RMND1: variants seen among roughly 807,000 people sequenced by gnomAD.
RMND1 encodes the protein required for meiotic nuclear division 1 homolog, also known as required for meiotic nuclear division protein 1 homolog.
In RMND1, 41 loss-of-function variants were observed where a neutral mutation model predicts 54.0. That is an observed-to-expected ratio of 0.76 (90% confidence interval 0.59 to 0.98). The LOEUF is 0.98. RMND1 is among the 50% of genes least tolerant of loss of function. The pLI, the probability that RMND1 is intolerant of heterozygous loss-of-function variation, is 0.00. For missense variants in RMND1, 457 were observed against 532.0 expected, an observed-to-expected ratio of 0.86 and a Z score of 1.39; for synonymous variants, 183 against 181.7, an observed-to-expected ratio of 1.01 and a Z score of -0.06.
chr6:151,444,978 TTTTTA>T lies in RMND1; in HGVS notation c.504+325_504+329del, dbSNP rs201748214. 2.0e-3 allele frequency: 410 copies of T among 204,880 alleles called. 2 individuals carry two copies. Among genetic ancestry groups the T allele is most frequent in the East Asian group, 0.018 (165 of 9,162 alleles). The allele number at this position is 204,880 out of a possible 1,614,324, so 12.7% of individuals were successfully genotyped here. Reference sequence around the variant, plus strand: ...TGATGAAGAATTTCTAGTTTGTTTTTTTTTATTTTATTTTTTTTTACAGTCCCATT... The same window carrying T: ...TGATGAAGAATTTCTAGTTTGTTTTTTTTTATTTTTTTTTACAGTCCCATT... On this transcript the variant is annotated intron_variant, in intron 2 of 11. Transcript: ENST00000444024.
chr6:151,437,233 T>C (rs1321986128), intron 2 of RMND1, among the ~76,000 whole-genome samples: 1 of 152,230 alleles, frequency 6.6e-6, no homozygotes, highest in Non-Finnish European at 1.5e-5. Flanking sequence ...TGAGTTCTGA[T>C]ACCAATTTAG....
intron 4 of RMND1, 150 bp from the exon 5 acceptor site, chr6:151,430,327 G>T: frequency 1.9e-6 from 1 of 538,312 alleles, no homozygotes; most frequent in Non-Finnish European, 3.4e-6. Flanking sequence ...ATGGTCCTTA[G>T]GTGAACTTCC....
intron 2 of RMND1, 35 bp downstream of exon 2, chr6:151,445,273 A>G: frequency 4.5e-6 from 7 of 1,569,006 alleles, no homozygotes; most frequent in Non-Finnish European, 6.0e-6. Flanking sequence ...AGCAATGATC[A>G]CTAAGCACGA....
chr6:151,450,903 C>G (rs1316204682), intron 1 of RMND1, among the ~76,000 whole-genome samples: 1 of 152,104 alleles, frequency 6.6e-6, no homozygotes, highest in Non-Finnish European at 1.5e-5. Context: ...TGACCTTACC[C>G]CCAACCCTGT....
rs1240895591 is a variant in RMND1, at chr6:151,409,316, C to T, written c.1201-3480G>A. Among the ~76,000 whole-genome samples the T allele has an allele frequency of 2.6e-5, 4 of 152,238 alleles. No individual in the cohort carries two copies. In the East Asian group the frequency reaches 5.8e-4, roughly 22 times the overall value. ...AATGTTTGCTAATGAATCCATGATA[C>T]TTAGAGGGAACTAAAAAGATTGTTT... On this transcript the variant is annotated intron_variant, in intron 10 of 11. Coordinates refer to ENST00000444024, the MANE Select transcript of RMND1 (RefSeq NM_017909.4).
At chr6:151,439,863 T>C (rs557062284) in intron 2 of RMND1, among the ~76,000 whole-genome samples, 1 of 152,220 alleles carries the variant, frequency 6.6e-6, no homozygotes, top group East Asian at 1.9e-4. Flanking sequence ...TTTCTCCATG[T>C]TGGTCAGGCT....
chr6:151,433,677 T>C (rs1372540816), intron 3 of RMND1, among the ~76,000 whole-genome samples: 2 of 152,164 alleles, frequency 1.3e-5, no homozygotes, highest in African/African-American at 4.8e-5. Flanking sequence ...CCCAAACTAC[T>C]ACTCCTGCTG....
rs781161515 is a variant in RMND1, at chr6:151,417,258, T to C, written c.1200+21A>G. On this transcript the variant is annotated intron_variant, in intron 10 of 11. Coordinates refer to ENST00000444024, the MANE Select transcript of RMND1 (RefSeq NM_017909.4). ...GGCGACAACGTGTCTTTTTCTCTCA[T>C]TAGAAGTGCAAAATACGTACCTTAA... 1.9e-6 allele frequency: 3 copies of C among 1,595,958 alleles called. No homozygotes were observed. In the South Asian group the frequency reaches 3.5e-5, roughly 18 times the overall value.
chr6:151,407,322 C>T (rs1779660087), intron 10 of RMND1, among the ~76,000 whole-genome samples: 1 of 152,068 alleles, frequency 6.6e-6, no homozygotes, highest in African/African-American at 2.4e-5. Context: ...TTCCTTTCCT[C>T]TTGCCCTTTC....
At chr6:151,451,732 A>C (rs940409290) in intron 1 of RMND1, among the ~76,000 whole-genome samples, 1 of 152,324 alleles carries the variant, frequency 6.6e-6, no homozygotes, top group South Asian at 2.1e-4. Context: ...ACGATTCGAG[A>C]GCTAAGTGGC....
chr6:151,433,815 T>TA (rs890697058), intron 3 of RMND1, among the ~76,000 whole-genome samples: 102 of 150,342 alleles, frequency 6.8e-4, no homozygotes, highest in Admixed American at 1.9e-3. Context: ...TGCAACTATT[T>TA]AAAAAAAAAG....
At chr6:151,450,607 G>A (rs1359216549) in intron 1 of RMND1, among the ~76,000 whole-genome samples, 10 of 142,836 alleles carry the variant, frequency 7.0e-5, no homozygotes, top group African/African-American at 1.1e-4. Flanking sequence ...CCGGCCAGCC[G>A]CCCCGTCCGG....
At chr6:151,433,320 G>T in intron 3 of RMND1, 90 bp from the exon 4 acceptor site, 1 of 755,412 alleles carries the variant, frequency 1.3e-6, no homozygotes, top group Non-Finnish European at 2.2e-6. Flanking sequence ...AAGTACTTAA[G>T]ATCATTTCTT....
intron 6 of RMND1, among the ~76,000 whole-genome samples, chr6:151,425,476 A>G (rs1780270025): frequency 6.6e-6 from 1 of 152,112 alleles, no homozygotes; most frequent in East Asian, 1.9e-4. Context: ...ACAAGGGTCT[A>G]GCAGTAGTTG....
chr6:151,448,757 G>A (rs796949888), intron 1 of RMND1, among the ~76,000 whole-genome samples: 13 of 152,268 alleles, frequency 8.5e-5, no homozygotes, highest in African/African-American at 2.9e-4. Flanking sequence ...ATCTCAACGC[G>A]AAATCTAGCT....
chr6:151,405,686 T>C, intron 11 of RMND1, 34 bp downstream of exon 11: 1 of 1,030,340 alleles, frequency 9.7e-7, no homozygotes, highest in Middle Eastern at 2.1e-4. Flanking sequence ...GAAAAGATGG[T>C]AACTGATCAT....
chr6:151,432,017 C>A (rs1195561123), intron 4 of RMND1, among the ~76,000 whole-genome samples: 1 of 149,564 alleles, frequency 6.7e-6, no homozygotes, highest in Middle Eastern at 3.4e-3. Flanking sequence ...CTGACCACAA[C>A]CATCGCCTCC....
chr6:151,421,191 T>C, intron 9 of RMND1, 54 bp downstream of exon 9: 6 of 1,296,360 alleles, frequency 4.6e-6, no homozygotes, highest in Non-Finnish European at 6.6e-6. Flanking sequence ...ATGGGAATGT[T>C]TTCTTGAGAT....
At chr6:151,410,654 T>C (rs563100416) in intron 10 of RMND1, among the ~76,000 whole-genome samples, 43 of 152,276 alleles carry the variant, frequency 2.8e-4, no homozygotes, top group Middle Eastern at 3.4e-3. Flanking sequence ...TAAAGAACAA[T>C]TACTTGCTCA....
Sources: gnomAD v4.1 joint callset for allele counts (sites outside exome capture counted in the v4.1 genomes callset) on GRCh38, gnomAD v4.1.1 for gene constraint, MANE v1.5 for transcripts, NCBI Gene and HGNC (gene_info 2026-07-23, HGNC 2026-07-21) for gene names.